KIF4A: variants seen among roughly 807,000 people sequenced by gnomAD.
KIF4A encodes the protein chromosome-associated kinesin KIF4A.
In KIF4A, 7 loss-of-function variants were observed where a neutral mutation model predicts 105.9. The ratio of observed to expected loss-of-function variants is 0.07; its 90% CI spans 0.04 to 0.12. KIF4A has a LOEUF of 0.12. Ranked by LOEUF, KIF4A falls within the 10% of genes least tolerant of loss-of-function variation. The pLI is 1.00. For synonymous variants in KIF4A, 281 were observed against 331.3 expected, an observed-to-expected ratio of 0.85 and a Z score of 1.65; for missense variants, 558 against 929.2, an observed-to-expected ratio of 0.60 and a Z score of 5.19.
In KIF4A at chrX:70,381,364, C is replaced by T. The variant is rs1456879525; in HGVS notation, c.2034+5154C>T. On this transcript the variant is annotated intron_variant, in intron 18 of 30. Transcript: ENST00000374403. ...CAGCCTGGCCAACATAGTGAAACTCCGTCTCTACTAAAAATACAAAAAATT... is the reference window on the plus strand; with the variant it reads ...CAGCCTGGCCAACATAGTGAAACTCTGTCTCTACTAAAAATACAAAAAATT... Among the ~76,000 whole-genome samples the T allele has an allele frequency of 3.6e-5, 4 of 110,857 alleles. No homozygotes were observed. The South Asian group carries it at 1.2e-3, about 32-fold the overall frequency.
intron 22 of KIF4A, among the ~76,000 whole-genome samples, chrX:70,398,599 CCTGA>C (rs2086269179): frequency 8.9e-6 from 1 of 111,902 alleles, no homozygotes; most frequent in Non-Finnish European, 1.9e-5. Flanking sequence ...AGAAGCCTTC[CCTGA>C]CTTTTTAATC....
Position 70,419,800 on chromosome X carries a change from G to T in KIF4A, c.3495+17G>T. The T allele has an allele frequency of 4.1e-6, 5 of 1,210,626 alleles. No homozygotes were observed. The highest frequency in any genetic ancestry group is 5.6e-6 in the Non-Finnish European group (5 of 895,089). On this transcript the variant is annotated intron_variant, in intron 30 of 30. Coordinates refer to ENST00000374403, the MANE Select transcript of KIF4A (RefSeq NM_012310.5). Reference sequence around the variant, plus strand: ...AATAGCAAGGTAGGTGGGCTAAAAGGCAGGCATTGGAAAACTGGATTAGCG... The same window carrying T: ...AATAGCAAGGTAGGTGGGCTAAAAGTCAGGCATTGGAAAACTGGATTAGCG...
chrX:70,319,180 T>C (rs1020854227), intron 7 of KIF4A, among the ~76,000 whole-genome samples: 3 of 111,262 alleles, frequency 2.7e-5, no homozygotes, highest in Non-Finnish European at 5.7e-5. Flanking sequence ...GGAGAATCAC[T>C]TGAACCCGGG....
chrX:70,404,719 T>C lies in KIF4A; in HGVS notation c.2795T>C (p.Leu932Pro), dbSNP rs1284572424. 1 of 1,202,466 alleles carries C rather than the reference T, an allele frequency of 8.3e-7. No homozygotes were observed. The highest frequency in any genetic ancestry group is 2.2e-5 in the Admixed American group (1 of 45,482). ...RMEQQHQEKVLYLLSQLQQSQ... is the reference protein window; with the variant it reads ...RMEQQHQEKVPYLLSQLQQSQ... ...TTGGATCGTGTCTTTCTCTAGGTGC[T>C]GTACCTTCTCAGCCAGCTGCAGCAA... Residue 932 changes from leucine to proline, a missense_variant, in exon 25 of 31, where the codon CTG becomes CCG. Leu to Pro is a moderately conservative substitution (Grantham distance 98, BLOSUM62 -3). Coordinates refer to ENST00000374403, the MANE Select transcript of KIF4A (RefSeq NM_012310.5).
chrX:70,367,452 A>G, intron 15 of KIF4A, among the ~76,000 whole-genome samples: 1 of 111,667 alleles, frequency 9.0e-6, no homozygotes, highest in South Asian at 3.8e-4. Context: ...CCTGGTGGTG[A>G]CAAAATCTCT....
intron 20 of KIF4A, among the ~76,000 whole-genome samples, chrX:70,393,866 TTTC>T (rs2086248843): frequency 1.4e-4 from 1 of 7,244 alleles, no homozygotes; most frequent in Non-Finnish European, 1.0e-3. Context: ...TCTTTCTTTC[TTTC>T]TTTTTTTTTT....
rs939278577 is a variant in KIF4A, at chrX:70,420,362, T to C, written c.*97T>C. 2 of 1,047,625 alleles carry C rather than the reference T, an allele frequency of 1.9e-6. No individual in the cohort carries two copies. The highest frequency in any genetic ancestry group is 5.0e-5 in the South Asian group (2 of 40,308). The allele number at this position is 1,047,625 out of a possible 1,213,427, so 86.3% of individuals were successfully genotyped here. A position where few individuals can be genotyped will look rare whatever the true frequency, so the allele number is the denominator to read the frequency against. The stretch of plus-strand genomic sequence containing the variant: ...TTAAATGACTTCTCTGGATTTCAGG[T>C]TTCTTGCTGTTGAAAAAAGGAACAA... On this transcript the variant is annotated 3_prime_UTR_variant, in exon 31 of 31. Transcript: ENST00000374403.
chrX:70,374,313 A>C (rs2086166482), intron 16 of KIF4A, 59 bp downstream of exon 16: 1 of 751,496 alleles, frequency 1.3e-6, no homozygotes, highest in African/African-American at 2.1e-5. Flanking sequence ...GGAGCTTTGC[A>C]AGAAATAGAG....
intron 6 of KIF4A, 37 bp from the exon 7 acceptor site, chrX:70,302,267 G>A (rs956470613): frequency 2.9e-5 from 35 of 1,191,594 alleles, no homozygotes; most frequent in Non-Finnish European, 3.7e-5. Flanking sequence ...TCAAGCTTGT[G>A]TACCATTCTC....
intron 13 of KIF4A, among the ~76,000 whole-genome samples, chrX:70,348,450 A>G (rs1307957779): frequency 9.0e-6 from 1 of 111,379 alleles, no homozygotes; most frequent in Non-Finnish European, 1.9e-5. Flanking sequence ...AGGTTGGCAG[A>G]TAAACACGTG....
intron 15 of KIF4A, among the ~76,000 whole-genome samples, chrX:70,371,197 T>C (rs1320879699): frequency 9.4e-6 from 1 of 106,864 alleles, no homozygotes; most frequent in Non-Finnish European, 1.9e-5. Context: ...GGAATTTGGG[T>C]TTTCCACTGT....
chrX:70,391,982 A>T (rs1391529328), intron 20 of KIF4A, among the ~76,000 whole-genome samples: 1 of 111,446 alleles, frequency 9.0e-6, no homozygotes, highest in Non-Finnish European at 1.9e-5. Context: ...GTAATATTCC[A>T]TTCCAACCTT....
chrX:70,290,774 A>G lies in KIF4A; in HGVS notation c.204A>G (p.Ala68=). ...AACAGGAAGAAGTCTTCAATACAGCAGTAGCGCCACTCATAAAAGGTGTAT... is the reference window on the plus strand; with the variant it reads ...AACAGGAAGAAGTCTTCAATACAGCGGTAGCGCCACTCATAAAAGGTGTAT... ...STEQEEVFNT[A]VAPLIKGVFK... The change falls in exon 3 of 31, where the codon GCA becomes GCG. Residue 68 remains alanine, a synonymous_variant. Coordinates refer to ENST00000374403, the MANE Select transcript of KIF4A (RefSeq NM_012310.5). The G allele has an allele frequency of 2.5e-6, 3 of 1,197,912 alleles. No individual in the cohort carries two copies. The highest frequency in any genetic ancestry group is 3.4e-6 in the Non-Finnish European group (3 of 882,799).
At chrX:70,361,940 C>A (rs1212458706) in intron 15 of KIF4A, among the ~76,000 whole-genome samples, 1 of 112,285 alleles carries the variant, frequency 8.9e-6, no homozygotes, top group Non-Finnish European at 1.9e-5. Context: ...GGATGCCTCA[C>A]CCTCTTTGTG....
intron 3 of KIF4A, among the ~76,000 whole-genome samples, chrX:70,291,599 A>G (rs2085761159): frequency 8.9e-6 from 1 of 111,876 alleles, no homozygotes; most frequent in Non-Finnish European, 1.9e-5. Flanking sequence ...TCTAATTATT[A>G]TTCTAATACA....
chrX:70,352,584 A>G lies in KIF4A; in HGVS notation c.1432-16A>G, dbSNP rs746711998. 1.7e-6 allele frequency: 2 copies of G among 1,184,911 alleles called. No individual in the cohort carries two copies. The highest frequency in any genetic ancestry group is 3.7e-5 in the South Asian group (2 of 54,433). On this transcript the variant is annotated splice_polypyrimidine_tract_variant and intron_variant, in intron 13 of 30. Transcript: ENST00000374403. ...CTTCAGACTCTTTCCCTAAACCAAA[A>G]CATTTGTTACTGCAGGATGAAACTG...
chrX:70,317,176 T>C (rs981730277), intron 7 of KIF4A, among the ~76,000 whole-genome samples: 9 of 112,000 alleles, frequency 8.0e-5, no homozygotes, highest in Admixed American at 5.7e-4. Context: ...ATGAATATTC[T>C]TGTACAGGTA....
chrX:70,304,392 A>G (rs913732107), intron 7 of KIF4A, among the ~76,000 whole-genome samples: 12 of 99,252 alleles, frequency 1.2e-4, no homozygotes, highest in Non-Finnish European at 2.2e-4. Context: ...TAGTGCTGCA[A>G]TAAACATATG....
chrX:70,298,132 G>A (rs1460438363), intron 4 of KIF4A, among the ~76,000 whole-genome samples: 1 of 110,335 alleles, frequency 9.1e-6, no homozygotes, highest in Non-Finnish European at 1.9e-5. Flanking sequence ...TTAGCCAGGT[G>A]AGGTGGTGCA....
Sources: gnomAD v4.1 joint callset for allele counts (sites outside exome capture counted in the v4.1 genomes callset) on GRCh38, gnomAD v4.1.1 for gene constraint, MANE v1.5 for transcripts, NCBI Gene and HGNC (gene_info 2026-07-23, HGNC 2026-07-21) for gene names.